Variants in ADK observed in about 807,000 individuals in gnomAD.
ADK encodes the protein adenosine kinase.
Under a neutral mutation model 44.7 loss-of-function variants are expected in ADK, and 24 were observed. That is an observed-to-expected ratio of 0.54 (90% confidence interval 0.39 to 0.76). The LOEUF (loss-of-function observed/expected upper bound fraction) is 0.76. Ranked by LOEUF, ADK falls within the 30% of genes least tolerant of loss-of-function variation. ADK has a pLI of 0.00. For synonymous variants in ADK, 128 were observed against 142.6 expected (o/e 0.90, Z 0.73); for missense variants, 321 against 425.1 (o/e 0.76, Z 2.15).
chr10:74,473,627 G>A (rs139600664), intron 6 of ADK, among the ~76,000 whole-genome samples: 1 of 152,248 alleles, frequency 6.6e-6, no homozygotes, highest in African/African-American at 2.4e-5. Context: ...TGAAATTATG[G>A]GGTTTTGAGA....
chr10:74,649,465 A>T (rs988271563), intron 9 of ADK, among the ~76,000 whole-genome samples: 16 of 151,948 alleles, frequency 1.1e-4, no homozygotes, highest in Non-Finnish European at 1.9e-4. Context: ...GTCTACAAAA[A>T]ATTAAAACAA....
chr10:74,571,575 T>C (rs1247134724), intron 7 of ADK, among the ~76,000 whole-genome samples: 1 of 152,252 alleles, frequency 6.6e-6, no homozygotes, highest in Non-Finnish European at 1.5e-5. Flanking sequence ...TTTATTTGCG[T>C]AGAGGTGTTT....
At chr10:74,206,128 A>G (rs1157139523) in intron 2 of ADK, among the ~76,000 whole-genome samples, 2 of 152,246 alleles carry the variant, frequency 1.3e-5, no homozygotes, top group Non-Finnish European at 2.9e-5. Flanking sequence ...ATCATGATGT[A>G]TAAAAGTAAA....
intron 3 of ADK, among the ~76,000 whole-genome samples, chr10:74,296,332 T>C (rs1378761458): frequency 6.6e-6 from 1 of 152,120 alleles, no homozygotes; most frequent in Non-Finnish European, 1.5e-5. Flanking sequence ...AGGAAATAAT[T>C]ATGTATTAAA....
At chr10:74,405,581 C>T (rs544112586) in intron 6 of ADK, among the ~76,000 whole-genome samples, 1 of 151,996 alleles carries the variant, frequency 6.6e-6, no homozygotes, top group African/African-American at 2.4e-5. Context: ...GCAGAGGATT[C>T]TTATAGGGGT....
At chr10:74,547,444 A>ATTTATT (rs1554879408) in intron 7 of ADK, among the ~76,000 whole-genome samples, 25 of 25,598 alleles carry the variant, frequency 9.8e-4, no homozygotes, top group African/African-American at 1.7e-3. Context: ...ATATATATAT[A>ATTTATT]TATTTATTTA....
chr10:74,666,394 TTCCTGTC>T lies in ADK; in HGVS notation c.878-3787_878-3781del, dbSNP rs1294166662. 2.0e-5 allele frequency among the ~76,000 whole-genome samples: 3 copies of T among 152,302 alleles called. No homozygotes were observed. The East Asian group carries it at 5.8e-4, about 29-fold the overall frequency. ...TATCAACTGAATTGTTAGTGTTTGT[TTCCTGTC>T]TGCTTGGGGAAGCTTATGATTTAGT... On this transcript the variant is annotated intron_variant, in intron 9 of 10. Coordinates refer to ENST00000539909, the MANE Select transcript of ADK (RefSeq NM_006721.4).
intron 10 of ADK, among the ~76,000 whole-genome samples, chr10:74,671,260 C>T (rs533110075): frequency 6.6e-6 from 1 of 151,062 alleles, no homozygotes; most frequent in Admixed American, 6.6e-5. Context: ...TGCAGTGGTG[C>T]AATCTCAGCT....
chr10:74,419,381 A>G (rs1844481247), intron 6 of ADK, among the ~76,000 whole-genome samples: 1 of 152,200 alleles, frequency 6.6e-6, no homozygotes, highest in African/African-American at 2.4e-5. Context: ...ATATTACTAG[A>G]AAAGCATCAA....
At chr10:74,238,134 C>T (rs748842643) in intron 3 of ADK, among the ~76,000 whole-genome samples, 2 of 152,124 alleles carry the variant, frequency 1.3e-5, no homozygotes, top group African/African-American at 4.8e-5. Flanking sequence ...GCCAGGATTA[C>T]AGGCATGAGC....
At chr10:74,324,645 C>T (rs1481397065) in intron 4 of ADK, among the ~76,000 whole-genome samples, 1 of 151,974 alleles carries the variant, frequency 6.6e-6, no homozygotes, top group African/African-American at 2.4e-5. Flanking sequence ...TTTATTTATT[C>T]ATTCATTCAT....
intron 5 of ADK, among the ~76,000 whole-genome samples, chr10:74,396,750 T>TA (rs35989197): frequency 0.6 from 91,137 of 151,384 alleles, 29,935 homozygotes; most frequent in Middle Eastern, 0.77. Flanking sequence ...GGCCAGGAGT[T>TA]TGAGACCAGC....
At chr10:74,629,640 C>T (rs929405661) in intron 9 of ADK, among the ~76,000 whole-genome samples, 4 of 152,092 alleles carry the variant, frequency 2.6e-5, no homozygotes, top group African/African-American at 9.7e-5. Flanking sequence ...CACTAGAAGA[C>T]AGTATGTAGA....
intron 4 of ADK, among the ~76,000 whole-genome samples, chr10:74,327,939 C>G (rs1592052819): frequency 2.6e-5 from 4 of 152,288 alleles, no homozygotes; most frequent in Admixed American, 2.6e-4. Context: ...GATACAGTCT[C>G]ACTCTGTCAC....
At chr10:74,621,672 TG>T (rs1173836033) in intron 9 of ADK, among the ~76,000 whole-genome samples, 2 of 152,210 alleles carry the variant, frequency 1.3e-5, no homozygotes, top group African/African-American at 2.4e-5. Context: ...TATATAGGTC[TG>T]TTTTTTTGTT....
chr10:74,182,739 G>T (rs1054233707), intron 1 of ADK, among the ~76,000 whole-genome samples: 1 of 152,090 alleles, frequency 6.6e-6, no homozygotes, highest in Non-Finnish European at 1.5e-5. Context: ...TGAAAAAAGC[G>T]TACAAGGTTT....
intron 3 of ADK, among the ~76,000 whole-genome samples, chr10:74,249,377 G>A (rs1019274345): frequency 6.6e-6 from 1 of 152,076 alleles, no homozygotes. Flanking sequence ...TGTGAGTGGG[G>A]CATTCGTGTG....
At chr10:74,243,483 T>C (rs1311109035) in intron 3 of ADK, among the ~76,000 whole-genome samples, 1 of 152,246 alleles carries the variant, frequency 6.6e-6, no homozygotes, top group African/African-American at 2.4e-5. Flanking sequence ...ATGTGTCTGT[T>C]TTAGTTCATA....
intron 3 of ADK, among the ~76,000 whole-genome samples, chr10:74,226,816 G>A (rs896382976): frequency 3.3e-5 from 5 of 151,918 alleles, no homozygotes; most frequent in African/African-American, 1.2e-4. Context: ...TTGTTTATTT[G>A]TTCTATTATT....
Sources: allele counts gnomAD v4.1 joint callset (sites outside exome capture counted in the v4.1 genomes callset), GRCh38; gene constraint gnomAD v4.1.1; transcripts MANE v1.5; gene names NCBI Gene and HGNC (gene_info 2026-07-23, HGNC 2026-07-21).